The following SDK2 variants were observed in gnomAD, a reference collection of about 807,000 sequenced individuals.
The protein encoded by SDK2 is sidekick cell adhesion molecule 2.
SDK2 carries 105 observed loss-of-function variants against 253.9 expected under a neutral mutation model. That is an observed-to-expected ratio of 0.41 (90% CI 0.35 to 0.49). The LOEUF is 0.49. Ranked by LOEUF, SDK2 falls within the 20% of genes least tolerant of loss-of-function variation. The pLI is 0.06. For synonymous variants in SDK2, 1,249 were observed against 1,234.9 expected, an observed-to-expected ratio of 1.01 and a Z score of -0.24; for missense variants, 2,608 against 3,003.0, an observed-to-expected ratio of 0.87 and a Z score of 3.07.
chr17:73,424,157 TG>T, intron 12 of SDK2, 65 bp from the exon 13 acceptor site: 4 of 1,388,456 alleles, frequency 2.9e-6, no homozygotes, highest in Non-Finnish European at 3.9e-6. Context: ...GGGCCTAGCC[TG>T]AAGCTTGTCC....
chr17:73,556,303 C>G (rs974548236), intron 1 of SDK2, among the ~76,000 whole-genome samples: 2 of 151,666 alleles, frequency 1.3e-5, no homozygotes, highest in Non-Finnish European at 2.9e-5. Context: ...CAGCGGCAAG[C>G]TTTTACCTTC....
chr17:73,515,761 T>C (rs1412029328), intron 1 of SDK2, among the ~76,000 whole-genome samples: 1 of 152,210 alleles, frequency 6.6e-6, no homozygotes, highest in East Asian at 1.9e-4. Flanking sequence ...AAGATCCCAG[T>C]GGGAGAAGAT....
intron 16 of SDK2, 115 bp downstream of exon 16, chr17:73,419,051 T>C (rs953505815): frequency 3.3e-6 from 4 of 1,205,734 alleles, no homozygotes; most frequent in African/African-American, 3.0e-5. Flanking sequence ...TACCTAGTCC[T>C]TCCTAGATGG....
intron 2 of SDK2, among the ~76,000 whole-genome samples, chr17:73,487,753 A>G (rs1195729759): frequency 1.3e-5 from 2 of 152,106 alleles, no homozygotes; most frequent in Admixed American, 6.5e-5. Flanking sequence ...CAAATGGGAA[A>G]CGGGTCTAGG....
chr17:73,611,629 T>A (rs2045976017), intron 1 of SDK2, among the ~76,000 whole-genome samples: 1 of 152,218 alleles, frequency 6.6e-6, no homozygotes, highest in Non-Finnish European at 1.5e-5. Flanking sequence ...TGCAGAGGCT[T>A]TCCCAGCCTC....
intron 44 of SDK2, among the ~76,000 whole-genome samples, chr17:73,347,687 G>A (rs761741570): frequency 2.0e-5 from 3 of 152,164 alleles, no homozygotes; most frequent in South Asian, 2.1e-4. Flanking sequence ...GTGGCCTTTC[G>A]TGGCCCTTTC....
chr17:73,384,440 C>A (rs1483370399), intron 32 of SDK2, among the ~76,000 whole-genome samples: 2 of 152,194 alleles, frequency 1.3e-5, no homozygotes, highest in Non-Finnish European at 1.5e-5. Flanking sequence ...ATAACACTTC[C>A]TGGTGTTTCC....
At chr17:73,460,593 TAGTTTA>T (rs1160504633) in intron 3 of SDK2, among the ~76,000 whole-genome samples, 1 of 152,220 alleles carries the variant, frequency 6.6e-6, no homozygotes, top group Non-Finnish European at 1.5e-5. Flanking sequence ...TTTCACAGCT[TAGTTTA>T]AACATCACCT....
intron 1 of SDK2, among the ~76,000 whole-genome samples, chr17:73,626,422 G>A (rs2046203255): frequency 6.6e-6 from 1 of 152,242 alleles, no homozygotes; most frequent in Admixed American, 6.5e-5. Context: ...GCCTGTCCCA[G>A]GGGCTCTGGG....
intron 2 of SDK2, among the ~76,000 whole-genome samples, chr17:73,497,665 A>T (rs2063853800): frequency 6.6e-6 from 1 of 151,830 alleles, no homozygotes; most frequent in Admixed American, 6.5e-5. Context: ...GCTCCCACCA[A>T]GATGGCCCAG....
chr17:73,626,300 G>T (rs568798949), intron 1 of SDK2, among the ~76,000 whole-genome samples: 5 of 152,312 alleles, frequency 3.3e-5, no homozygotes, highest in African/African-American at 9.6e-5. Flanking sequence ...GCTCGGGAGG[G>T]GGAGGACAGG....
intron 33 of SDK2, among the ~76,000 whole-genome samples, chr17:73,381,945 T>C (rs1025421157): frequency 1.3e-5 from 2 of 151,686 alleles, no homozygotes; most frequent in Non-Finnish European, 2.9e-5. Context: ...CCGGGCGCAG[T>C]GACTCATGCC....
At position 73,643,964 on chromosome 17, in the gene SDK2, G is replaced by GCCCCCCCCCCCCC; in HGVS notation, c.64+60_64+61insGGGGGGGGGGGGG. 2 of 516,328 alleles carry GCCCCCCCCCCCCC rather than the reference G, an allele frequency of 3.9e-6. No homozygotes were observed. Among genetic ancestry groups the GCCCCCCCCCCCCC allele is most frequent in the South Asian group, 1.6e-5 (1 of 61,128 alleles). 32.0% of individuals were successfully genotyped at this position (516,328 alleles called of 1,614,324 possible). ...ACCGTGAGGCCGGCCAGCTCCCGCC[G>GCCCCCCCCCCCCC]CCCCTCCCCCGCCCACTCTCCCAGC... On this transcript the variant is annotated intron_variant, in intron 1 of 44. Transcript: ENST00000392650. The surrounding 1 kb of genome is among the most constrained non-coding windows in gnomAD (Gnocchi z 6.9).
At chr17:73,382,273 G>A (rs2062837476) in intron 33 of SDK2, among the ~76,000 whole-genome samples, 2 of 151,230 alleles carry the variant, frequency 1.3e-5, no homozygotes, top group South Asian at 4.2e-4. Flanking sequence ...CTGCTAGTCT[G>A]TTTGGGTGAG....
Position 73,350,345 on chromosome 17 carries a change from T to G in SDK2, c.5930A>C (p.His1977Pro), listed in dbSNP as rs751171693. The change falls in exon 43 of 45, where the codon CAC becomes CCC. Residue 1977 changes from histidine to proline, a missense_variant. His to Pro is a moderately conservative substitution (Grantham distance 77, BLOSUM62 -2). Transcript: ENST00000392650. ...GNSAKSGALG[H>P]SEMMSLDESS... is the part of the protein sequence containing the mutation. ...TTCATCCAAGCTCATCATCTCGCTG[T>G]GGCCTAGGGCTCCAGACTTGGCACT... The G allele has an allele frequency of 1.2e-6, 2 of 1,613,870 alleles. No homozygotes were observed. The highest frequency in any genetic ancestry group is 1.7e-6 in the Non-Finnish European group (2 of 1,179,862).
rs576925368 is a variant in SDK2, at chr17:73,477,683, C to G, written c.225-5465G>C. On this transcript the variant is annotated intron_variant, in intron 2 of 44. Coordinates refer to ENST00000392650, the MANE Select transcript of SDK2 (RefSeq NM_001144952.2). ...AGGAGGGTGAAGCAGAGGCCCTCCC[C>G]CTAGAATGGGGATCCTCTAGGGGCT... Among the ~76,000 whole-genome samples, 562 of 152,252 alleles carry G rather than the reference C, an allele frequency of 3.7e-3. 5 individuals carry two copies. The highest frequency in any genetic ancestry group is 0.013 in the African/African-American group (538 of 41,550).
Position 73,338,250 on chromosome 17 carries a change from T to C in SDK2, c.*337A>G. The C allele has an allele frequency of 4.4e-6, 2 of 456,714 alleles. No homozygotes were observed. The highest frequency in any genetic ancestry group is 1.7e-5 in the South Asian group (1 of 57,946). The allele number at this position is 456,714 out of a possible 1,614,324, so 28.3% of individuals were successfully genotyped here. ...GCCACGCCTGCCTGGCGGCCTCCAG[T>C]CCTTAGCCTCCGCTCCCTCTCTCTC... On this transcript the variant is annotated 3_prime_UTR_variant, in exon 45 of 45. Transcript: ENST00000392650. This position sits in a 1 kb window ranked among gnomAD's most constrained non-coding sequence, Gnocchi z 5.0.
rs186831395 is a variant in SDK2 at position 73,374,699 on chromosome 17, C to G, written c.4980+4478G>C. On this transcript the variant is annotated intron_variant, in intron 36 of 44. Transcript: ENST00000392650. ...GCCAGGCTGGTCTCGAACTCCTGAC[C>G]TCAAGTGATCTGCCCGCCTTGGGCT... Among the ~76,000 whole-genome samples the G allele has an allele frequency of 3.0e-3, 462 of 151,482 alleles. 2 individuals carry two copies. Among genetic ancestry groups the G allele is most frequent in the African/African-American group, 0.011 (447 of 41,052 alleles).
chr17:73,571,893 A>G (rs374003148), intron 1 of SDK2, among the ~76,000 whole-genome samples: 54 of 152,146 alleles, frequency 3.5e-4, no homozygotes, highest in African/African-American at 1.3e-3. Context: ...CCCCCTTGAC[A>G]ACACATGCCG....
Sources: gnomAD v4.1 joint callset for allele counts (sites outside exome capture counted in the v4.1 genomes callset) on GRCh38, gnomAD v4.1.1 for gene constraint, Gnocchi (gnomAD v3.1) non-coding constraint, MANE v1.5 for transcripts, NCBI Gene and HGNC (gene_info 2026-07-23, HGNC 2026-07-21) for gene names.